The following MGMT variants were observed in gnomAD, a reference collection of about 807,000 sequenced individuals.
MGMT encodes O-6-methylguanine-DNA methyltransferase.
Under a neutral mutation model 15.9 loss-of-function variants are expected in MGMT, and 14 were observed. That is an observed-to-expected ratio of 0.88 (90% confidence interval 0.58 to 1.37). The LOEUF (loss-of-function observed/expected upper bound fraction) is 1.37, where lower values mean the gene tolerates loss of function less well. Among genes scored for constraint, MGMT ranks in the 40% most tolerant of loss-of-function variants. MGMT has a pLI of 0.00. For missense variants in MGMT, 282 were observed against 268.1 expected (o/e 1.05, Z -0.36); for synonymous variants, 130 against 118.2 (o/e 1.10, Z -0.65).
chr10:129,618,153 T>C (rs1017656683), intron 2 of MGMT, among the ~76,000 whole-genome samples: 4 of 152,138 alleles, frequency 2.6e-5, no homozygotes, highest in African/African-American at 9.6e-5. Context: ...CTTTTTAAAG[T>C]TTCTAGAACT....
Position 129,566,624 on chromosome 10 carries a change from C to T in MGMT, c.125+30247C>T, listed in dbSNP as rs903048327. ...GCATTCCTACACATACCCCTTTGCCCGTGGGATTTTTGCTGTTTCTCTTCT... is the reference window on the plus strand; with the variant it reads ...GCATTCCTACACATACCCCTTTGCCTGTGGGATTTTTGCTGTTTCTCTTCT... On this transcript the variant is annotated intron_variant, in intron 2 of 4. Transcript: ENST00000651593. This position sits in a 1 kb window ranked among gnomAD's most constrained non-coding sequence, Gnocchi z 4.1. 1.6e-4 allele frequency among the ~76,000 whole-genome samples: 24 copies of T among 152,042 alleles called. No individual in the cohort carries two copies. The highest frequency in any genetic ancestry group is 3.1e-4 in the Non-Finnish European group (21 of 67,996).
At position 129,607,938 on chromosome 10, in the gene MGMT, G is replaced by A. The variant is rs1260410016; in HGVS notation, c.125+71561G>A. ...CCCCCTCGTACCGTGTTTCACATGCGAGGTTGCCAAATCATGACTCCCTCA... is the reference window on the plus strand; with the variant it reads ...CCCCCTCGTACCGTGTTTCACATGCAAGGTTGCCAAATCATGACTCCCTCA... On this transcript the variant is annotated intron_variant, in intron 2 of 4. Coordinates refer to ENST00000651593, the MANE Select transcript of MGMT (RefSeq NM_002412.5). 2.6e-5 allele frequency among the ~76,000 whole-genome samples: 4 copies of A among 152,186 alleles called. No individual in the cohort carries two copies. The South Asian group carries it at 8.3e-4, about 32-fold the overall frequency.
At chr10:129,737,858 G>A (rs1301181579) in intron 3 of MGMT, among the ~76,000 whole-genome samples, 1 of 152,192 alleles carries the variant, frequency 6.6e-6, no homozygotes, top group Non-Finnish European at 1.5e-5. Context: ...CTCCCAGTTA[G>A]GCTGCTTGAG....
intron 3 of MGMT, among the ~76,000 whole-genome samples, chr10:129,758,550 G>T (rs1356401141): frequency 6.6e-6 from 1 of 152,136 alleles, no homozygotes; most frequent in Non-Finnish European, 1.5e-5. Context: ...CCTCATTCCT[G>T]CAGCAGGATG....
chr10:129,665,992 C>A (rs1847654842), intron 2 of MGMT, among the ~76,000 whole-genome samples: 1 of 152,010 alleles, frequency 6.6e-6, no homozygotes, highest in South Asian at 2.1e-4. Context: ...ATTATGGTTA[C>A]CTAAGAGAAT....
In MGMT at chr10:129,698,405, C is replaced by T. The variant is rs139496635; in HGVS notation, c.126-9490C>T. Among the ~76,000 whole-genome samples, 181 of 152,268 alleles carry T rather than the reference C, an allele frequency of 1.2e-3. 1 individual carries two copies. The highest frequency in any genetic ancestry group is 1.0e-3 in the South Asian group (5 of 4,826). Reference sequence around the variant, plus strand: ...GTTTAATAATGCACAGTTGCCTAGCCTCAAAGATCCTTTGAGAAATAGCTA... The same window carrying T: ...GTTTAATAATGCACAGTTGCCTAGCTTCAAAGATCCTTTGAGAAATAGCTA... On this transcript the variant is annotated intron_variant, in intron 2 of 4. Coordinates refer to ENST00000651593, the MANE Select transcript of MGMT (RefSeq NM_002412.5).
chr10:129,477,061 A>T (rs1845303778), intron 1 of MGMT, among the ~76,000 whole-genome samples: 1 of 152,046 alleles, frequency 6.6e-6, no homozygotes, highest in Non-Finnish European at 1.5e-5. Flanking sequence ...GGGCCTCTGC[A>T]TCTGTGCTCT....
chr10:129,538,258 T>G (rs1389551316), intron 2 of MGMT, among the ~76,000 whole-genome samples: 1 of 152,226 alleles, frequency 6.6e-6, no homozygotes, highest in Non-Finnish European at 1.5e-5. Context: ...ATTCAAGATA[T>G]GGAACATTCC....
intron 1 of MGMT, among the ~76,000 whole-genome samples, chr10:129,486,071 T>C (rs912355960): frequency 2.0e-5 from 3 of 152,178 alleles, no homozygotes; most frequent in Non-Finnish European, 4.4e-5. Context: ...TTTAATTTTT[T>C]TTTCTCATGG....
At chr10:129,742,452 A>G (rs755733578) in intron 3 of MGMT, among the ~76,000 whole-genome samples, 2 of 152,112 alleles carry the variant, frequency 1.3e-5, no homozygotes, top group African/African-American at 2.4e-5. Flanking sequence ...CCAGGTCCTC[A>G]GGGCCGGGGC....
chr10:129,618,911 C>T (rs904443302), intron 2 of MGMT, among the ~76,000 whole-genome samples: 1 of 151,882 alleles, frequency 6.6e-6, no homozygotes, highest in Non-Finnish European at 1.5e-5. Context: ...CTTCCATGTA[C>T]GTGAATATCT....
chr10:129,646,754 A>ATATATTTTTTTTTTTTTTTTTTTTTTTTT, intron 2 of MGMT, among the ~76,000 whole-genome samples: 1 of 86,678 alleles, frequency 1.2e-5, no homozygotes, highest in Non-Finnish European at 2.6e-5. Context: ...ATATATATAT[A>ATATATTTTTTTTTTTTTTTTTTTTTTTTT]TTTTCAGGGA....
At chr10:129,603,335 T>C (rs1846847524) in intron 2 of MGMT, among the ~76,000 whole-genome samples, 1 of 152,250 alleles carries the variant, frequency 6.6e-6, no homozygotes, top group Admixed American at 6.5e-5. Context: ...AGACAGATGA[T>C]TAGCAAGTGA....
chr10:129,643,935 TG>T (rs1445706659), intron 2 of MGMT, among the ~76,000 whole-genome samples: 6 of 152,166 alleles, frequency 3.9e-5, no homozygotes, highest in Non-Finnish European at 8.8e-5. Context: ...CCAAACTACC[TG>T]TTCTTTCCAT....
intron 2 of MGMT, among the ~76,000 whole-genome samples, chr10:129,548,092 G>T (rs533555850): frequency 1.2e-4 from 19 of 152,332 alleles, no homozygotes; most frequent in Admixed American, 9.8e-4. Context: ...TATTCAATTT[G>T]CTAGGTTGCA....
intron 3 of MGMT, among the ~76,000 whole-genome samples, chr10:129,745,612 G>A (rs1181113581): frequency 6.6e-6 from 1 of 152,218 alleles, no homozygotes; most frequent in Non-Finnish European, 1.5e-5. Context: ...ACGCTACCGT[G>A]TGGGTATATC....
chr10:129,713,219 A>G (rs1253902728), intron 3 of MGMT, among the ~76,000 whole-genome samples: 1 of 152,212 alleles, frequency 6.6e-6, no homozygotes, highest in African/African-American at 2.4e-5. Context: ...ACGAGGGCTC[A>G]TAAATATTGT....
chr10:129,599,732 T>C lies in MGMT; in HGVS notation c.125+63355T>C, dbSNP rs569660674. On this transcript the variant is annotated intron_variant, in intron 2 of 4. Coordinates refer to ENST00000651593, the MANE Select transcript of MGMT (RefSeq NM_002412.5). ...TGTGGGAGGGAGTTCTATAACTGAA[T>C]GTTTACACAGGGTGTGCATATCTTT... Among the ~76,000 whole-genome samples the C allele has an allele frequency of 2.6e-5, 4 of 152,304 alleles. No homozygotes were observed. The South Asian group carries it at 6.2e-4, about 24-fold the overall frequency.
At chr10:129,568,984 T>A (rs1250407567) in intron 2 of MGMT, among the ~76,000 whole-genome samples, 1 of 152,228 alleles carries the variant, frequency 6.6e-6, no homozygotes, top group Middle Eastern at 3.2e-3. Context: ...ACATTGGGCT[T>A]CTGTATTCCT....
Sources: gnomAD v4.1 joint callset for allele counts (sites outside exome capture counted in the v4.1 genomes callset) on GRCh38, gnomAD v4.1.1 for gene constraint, Gnocchi (gnomAD v3.1) non-coding constraint, MANE v1.5 for transcripts, NCBI Gene and HGNC (gene_info 2026-07-23, HGNC 2026-07-21) for gene names.